The following S100A13 variants were observed in gnomAD, a reference collection of about 807,000 sequenced individuals.
S100A13 encodes protein S100-A13.
Under a neutral mutation model 8.2 loss-of-function variants are expected in S100A13, and 6 were observed. That is an observed-to-expected ratio of 0.73 (90% CI 0.40 to 1.44). The LOEUF (loss-of-function observed/expected upper bound fraction) is 1.44, where lower values mean the gene tolerates loss of function less well. Ranked by LOEUF, S100A13 falls within the 40% of genes most tolerant of loss-of-function variation. The pLI, the probability that S100A13 is intolerant of heterozygous loss-of-function variation, is 0.02. For missense variants in S100A13, 114 were observed against 113.6 expected, an observed-to-expected ratio of 1.00 and a Z score of -0.02; for synonymous variants, 39 against 45.9, an observed-to-expected ratio of 0.85 and a Z score of 0.61.
chr1:153,623,343 A>G (rs1667395379), intron 2 of S100A13, among the ~76,000 whole-genome samples: 1 of 151,008 alleles, frequency 6.6e-6, no homozygotes, highest in Non-Finnish European at 1.5e-5. Context: ...GATTTCGGGG[A>G]GGGAGCACAT....
At position 153,625,934 on chromosome 1, in the gene S100A13, G is replaced by A. The variant is rs1044360944; in HGVS notation, c.153+386C>T. Among the ~76,000 whole-genome samples the A allele has an allele frequency of 4.6e-4, 70 of 152,348 alleles. 1 individual carries two copies. Among genetic ancestry groups the A allele is most frequent in the African/African-American group, 6.0e-4 (25 of 41,562 alleles). ...TGTAACCACAGCACTTTGGGAGGCCGAGGCGGGTGGATCACCTGAGGTCAG... is the reference window on the plus strand; with the variant it reads ...TGTAACCACAGCACTTTGGGAGGCCAAGGCGGGTGGATCACCTGAGGTCAG... On this transcript the variant is annotated intron_variant, in intron 2 of 2. Coordinates refer to ENST00000476133, the MANE Select transcript of S100A13 (RefSeq NM_001024211.2).
chr1:153,633,423 G>A (rs1369977133), upstream of S100A13, among the ~76,000 whole-genome samples: 1 of 152,142 alleles, frequency 6.6e-6, no homozygotes, highest in Admixed American at 6.6e-5. Flanking sequence ...AACACGGATG[G>A]CAGGTGTGGG....
intron 1 of S100A13, chr1:153,627,112 A>C (rs918659390): frequency 6.6e-6 from 1 of 152,188 alleles, no homozygotes; most frequent in African/African-American, 2.4e-5. Flanking sequence ...GAACAGACCC[A>C]TTTTCTCTGC....
chr1:153,621,465 TC>T (rs1408976587), intron 2 of S100A13, among the ~76,000 whole-genome samples: 1 of 151,522 alleles, frequency 6.6e-6, no homozygotes, highest in Non-Finnish European at 1.5e-5. Context: ...CCTACAGGAT[TC>T]TTTTTAACAT....
chr1:153,633,350 A>G (rs1415859034), upstream of S100A13, among the ~76,000 whole-genome samples: 6 of 152,112 alleles, frequency 3.9e-5, no homozygotes, highest in African/African-American at 1.2e-4. Flanking sequence ...ACCCCGTCTC[A>G]AAATAACAAC....
chr1:153,622,152 CTG>C (rs1315970298), intron 2 of S100A13, among the ~76,000 whole-genome samples: 1 of 151,520 alleles, frequency 6.6e-6, no homozygotes, highest in African/African-American at 2.4e-5. Context: ...GGCAGATCAT[CTG>C]AAGTCAGGAG....
chr1:153,620,942 T>C (rs1667206902), intron 2 of S100A13, among the ~76,000 whole-genome samples: 1 of 151,970 alleles, frequency 6.6e-6, no homozygotes, highest in South Asian at 2.1e-4. Context: ...CATCCAAGGA[T>C]TTTGGCATCC....
At chr1:153,619,652 A>C (rs1667109865) in intron 2 of S100A13, among the ~76,000 whole-genome samples, 1 of 152,182 alleles carries the variant, frequency 6.6e-6, no homozygotes, top group Admixed American at 6.5e-5. Context: ...GCAACAGTAA[A>C]CTGGATGTCC....
At chr1:153,627,781 C>T (rs1667758285), upstream of S100A13, 3 of 416,272 alleles carry the variant, frequency 7.2e-6, no homozygotes, top group South Asian at 8.7e-5. Context: ...TGCCACCATA[C>T]CCATGTCTAA....
intron 2 of S100A13, among the ~76,000 whole-genome samples, chr1:153,625,920 C>T (rs1270119612): frequency 6.6e-6 from 1 of 152,218 alleles, no homozygotes; most frequent in African/African-American, 2.4e-5. Flanking sequence ...GTAACCACAG[C>T]ACTTTGGGAG....
intron 2 of S100A13, among the ~76,000 whole-genome samples, chr1:153,623,266 TC>T (rs1667388621): frequency 6.6e-6 from 1 of 152,120 alleles, no homozygotes; most frequent in African/African-American, 2.4e-5. Context: ...GGGGATGGGA[TC>T]CAGGGCACCA....
chr1:153,630,605 G>A (rs141525153), upstream of S100A13: 157 of 1,614,268 alleles, frequency 9.7e-5, no homozygotes, highest in Non-Finnish European at 1.2e-4. Flanking sequence ...ACAAGTACAA[G>A]CTGAGCAAGA....
At chr1:153,629,045 A>G (rs1667850340), upstream of S100A13, 2 of 151,218 alleles carry the variant, frequency 1.3e-5, no homozygotes, top group African/African-American at 4.9e-5. Flanking sequence ...CCCCTTCCCA[A>G]CTCGACCTCC....
chr1:153,628,565 C>A (rs1667814956), upstream of S100A13: 1 of 1,538,214 alleles, frequency 6.5e-7, no homozygotes, highest in South Asian at 1.2e-5. Flanking sequence ...TTCAGAAGGG[C>A]TCCAAGAGGC....
chr1:153,631,760 G>T (rs1486545713), upstream of S100A13: 14 of 1,614,082 alleles, frequency 8.7e-6, no homozygotes, highest in Non-Finnish European at 1.2e-5. Flanking sequence ...ATGGAGACGG[G>T]GAGGTGGACT....
Position 153,626,463 on chromosome 1 carries a change from C to T in S100A13, c.10G>A (p.Glu4Lys), listed in dbSNP as rs1667640965. MAA[E>K]PLTELEESIE... ...GACTCCTCTAGCTCTGTCAGTGGTT[C>T]TGCTGCCATTAGGACCCTGAGGCCA... The change falls in exon 2 of 3, where the codon GAA (glutamate) becomes AAA (lysine). Residue 4 changes from glutamate (E) to lysine (K), a missense_variant. Coordinates refer to ENST00000476133, the MANE Select transcript of S100A13 (RefSeq NM_001024211.2). 1.2e-6 allele frequency: 2 copies of T among 1,614,184 alleles called. No homozygotes were observed. The highest frequency in any genetic ancestry group is 1.7e-6 in the Non-Finnish European group (2 of 1,180,020).
chr1:153,631,426 T>C, upstream of S100A13: 1 of 1,519,220 alleles, frequency 6.6e-7, no homozygotes, highest in Non-Finnish European at 8.9e-7. Context: ...AATTAGACAG[T>C]GCTTGTAAAG....
upstream of S100A13, chr1:153,632,161 C>G: frequency 3.8e-6 from 1 of 264,786 alleles, no homozygotes; most frequent in Admixed American, 4.8e-5. Context: ...TTACATCTTC[C>G]TACTTGAGGA....
At chr1:153,630,800 T>C (rs1037069388), upstream of S100A13, 26 of 1,197,532 alleles carry the variant, frequency 2.2e-5, no homozygotes, top group Admixed American at 5.6e-5. Context: ...CTCTCCTGGG[T>C]TTTTCCAGGC....
Sources: allele counts gnomAD v4.1 joint callset (sites outside exome capture counted in the v4.1 genomes callset), GRCh38; gene constraint gnomAD v4.1.1; transcripts MANE v1.5; gene names NCBI Gene and HGNC (gene_info 2026-07-23, HGNC 2026-07-21).